Variants in MYO16 observed in about 807,000 individuals in gnomAD.
The protein encoded by MYO16 is unconventional myosin-XVI.
In MYO16, 94 loss-of-function variants were observed where a neutral mutation model predicts 205.3. The observed-to-expected ratio is 0.46, with a 90% CI of 0.39 to 0.54. The LOEUF (loss-of-function observed/expected upper bound fraction) is 0.54, where lower values mean the gene tolerates loss of function less well. Among genes scored for constraint, MYO16 ranks in the 20% least tolerant of loss-of-function variants. MYO16 has a pLI of 0.00. For missense variants in MYO16, 2,315 were observed against 2,387.5 expected, an observed-to-expected ratio of 0.97 and a Z score of 0.63; for synonymous variants, 988 against 954.0, an observed-to-expected ratio of 1.04 and a Z score of -0.66.
chr13:108,754,549 G>T (rs1420824858), intron 4 of MYO16, among the ~76,000 whole-genome samples: 1 of 152,138 alleles, frequency 6.6e-6, no homozygotes, highest in Non-Finnish European at 1.5e-5. Flanking sequence ...AAATTATAAA[G>T]TCTTAAAGTA....
chr13:108,927,466 G>A (rs1882062428), intron 16 of MYO16, among the ~76,000 whole-genome samples: 1 of 152,124 alleles, frequency 6.6e-6, no homozygotes, highest in South Asian at 2.1e-4. Context: ...CCCTGCTGAG[G>A]ACCCCTGCTG....
intron 32 of MYO16, among the ~76,000 whole-genome samples, chr13:109,144,659 G>A (rs998564926): frequency 1.3e-5 from 2 of 152,138 alleles, no homozygotes; most frequent in Non-Finnish European, 1.5e-5. Context: ...ATAATACAGT[G>A]TGTGGCTAAT....
At chr13:108,796,793 G>A (rs1303575523) in intron 6 of MYO16, among the ~76,000 whole-genome samples, 1 of 137,466 alleles carries the variant, frequency 7.3e-6, no homozygotes, top group Non-Finnish European at 1.6e-5. Context: ...GGGAGGGATA[G>A]CATTAGGAGA....
intron 31 of MYO16, among the ~76,000 whole-genome samples, chr13:109,134,676 G>A (rs1163308836): frequency 2.0e-5 from 3 of 152,202 alleles, no homozygotes; most frequent in African/African-American, 7.2e-5. Context: ...TGCTTCAGGG[G>A]CATGTGCTTT....
chr13:108,827,131 G>C (rs529707390), intron 9 of MYO16, among the ~76,000 whole-genome samples: 82 of 152,122 alleles, frequency 5.4e-4, no homozygotes, highest in African/African-American at 2.0e-3. Flanking sequence ...ATAAAAAAGG[G>C]GGAACAACTG....
At chr13:108,969,316 TTGTTTA>T (rs1883918629) in intron 20 of MYO16, among the ~76,000 whole-genome samples, 1 of 152,376 alleles carries the variant, frequency 6.6e-6, no homozygotes, top group South Asian at 2.1e-4. Flanking sequence ...TTTTCTAAAA[TTGTTTA>T]GCCTCTGCAT....
chr13:108,680,337 G>A (rs957488321), intron 2 of MYO16, among the ~76,000 whole-genome samples: 5 of 152,148 alleles, frequency 3.3e-5, no homozygotes, highest in African/African-American at 1.2e-4. Context: ...AACATAAGAT[G>A]TCAATTTCTA....
At chr13:109,108,701 G>A (rs537153904) in intron 28 of MYO16, among the ~76,000 whole-genome samples, 6 of 152,326 alleles carry the variant, frequency 3.9e-5, no homozygotes, top group African/African-American at 1.4e-4. Flanking sequence ...GGACACTGCA[G>A]TAGTGAACTG....
chr13:108,541,425 C>T, the MYO16 span, among the ~76,000 whole-genome samples: 408 of 150,932 alleles, frequency 2.7e-3, 3 homozygotes, highest in African/African-American at 9.1e-3. Flanking sequence ...TAAAATAAAA[C>T]ATGTATTCAC....
At chr13:109,060,478 C>A (rs1887556329) in intron 27 of MYO16, among the ~76,000 whole-genome samples, 1 of 149,512 alleles carries the variant, frequency 6.7e-6, no homozygotes, top group African/African-American at 2.5e-5. Context: ...ACACTGGGGC[C>A]TGTCGGGGGC....
intron 27 of MYO16, among the ~76,000 whole-genome samples, chr13:109,069,587 G>A (rs1258148498): frequency 1.2e-4 from 1 of 8,072 alleles, no homozygotes; most frequent in Non-Finnish European, 2.3e-4. Flanking sequence ...CTCAGTTGTA[G>A]AGGGGCTCTA....
chr13:108,788,898 C>G (rs1310156768), intron 5 of MYO16, among the ~76,000 whole-genome samples: 1 of 152,128 alleles, frequency 6.6e-6, no homozygotes, highest in Non-Finnish European at 1.5e-5. Flanking sequence ...CTTAGGTTTC[C>G]TTCGAATGCT....
the MYO16 span, among the ~76,000 whole-genome samples, chr13:108,520,012 G>A: frequency 2.0e-5 from 3 of 152,104 alleles, no homozygotes; most frequent in Non-Finnish European, 4.4e-5. Context: ...TTACAAGATA[G>A]CAACTTACTA....
At chr13:109,056,898 A>G (rs1566484815) in intron 27 of MYO16, among the ~76,000 whole-genome samples, 1 of 152,152 alleles carries the variant, frequency 6.6e-6, no homozygotes, top group Non-Finnish European at 1.5e-5. Context: ...TGCAAGTGTG[A>G]AATCTCGCAT....
At chr13:108,660,594 C>T (rs114620329) in intron 1 of MYO16, among the ~76,000 whole-genome samples, 365 of 152,180 alleles carry the variant, frequency 2.4e-3, no homozygotes, top group African/African-American at 8.5e-3. Flanking sequence ...GAATAGCCAC[C>T]CCTGCTTCCT....
At chr13:108,552,109 C>G in the MYO16 span, among the ~76,000 whole-genome samples, 2 of 152,088 alleles carry the variant, frequency 1.3e-5, no homozygotes, top group Non-Finnish European at 2.9e-5. Flanking sequence ...AGGGAGGGGT[C>G]CATGGATAGA....
At chr13:108,773,595 G>C (rs1594282864) in intron 4 of MYO16, among the ~76,000 whole-genome samples, 3 of 152,228 alleles carry the variant, frequency 2.0e-5, no homozygotes, top group African/African-American at 7.2e-5. Flanking sequence ...ATACTAGTCA[G>C]ATTGGATTAA....
intron 16 of MYO16, among the ~76,000 whole-genome samples, chr13:108,941,119 GA>G (rs933713161): frequency 3.9e-5 from 6 of 152,152 alleles, no homozygotes; most frequent in Non-Finnish European, 8.8e-5. Context: ...AAAAACGAGT[GA>G]GACACAGGCT....
chr13:108,914,912 G>A (rs1383384247), intron 16 of MYO16, among the ~76,000 whole-genome samples: 1 of 152,130 alleles, frequency 6.6e-6, no homozygotes, highest in Non-Finnish European at 1.5e-5. Flanking sequence ...CAAAGTGCTG[G>A]GATCACAAGC....
Sources: allele counts gnomAD v4.1 joint callset (sites outside exome capture counted in the v4.1 genomes callset), GRCh38; gene constraint gnomAD v4.1.1; transcripts MANE v1.5; gene names NCBI Gene and HGNC (gene_info 2026-07-23, HGNC 2026-07-21).